DAB1: variants seen among roughly 807,000 people sequenced by gnomAD.
DAB1 encodes DAB adaptor protein 1.
In DAB1, 15 loss-of-function variants were observed where a neutral mutation model predicts 64.6. That is an observed-to-expected ratio of 0.23 (90% confidence interval 0.16 to 0.36). DAB1 has a LOEUF of 0.36. DAB1 is among the 10% of genes least tolerant of loss of function. The pLI, the probability that DAB1 is intolerant of heterozygous loss-of-function variation, is 1.00. For synonymous variants in DAB1, 235 were observed against 251.9 expected, an observed-to-expected ratio of 0.93 and a Z score of 0.64; for missense variants, 596 against 706.7, an observed-to-expected ratio of 0.84 and a Z score of 1.78.
At chr1:57,143,099 G>C (rs898678597) in intron 3 of DAB1, among the ~76,000 whole-genome samples, 1 of 152,112 alleles carries the variant, frequency 6.6e-6, no homozygotes, top group Non-Finnish European at 1.5e-5. Context: ...CTCTTCTGGG[G>C]CTTTCTGTGC....
At position 57,452,157 on chromosome 1, in the gene DAB1, G is replaced by GCC. The variant is rs1477319468; in HGVS notation, n.626-160992_626-160991insGG. Among the ~76,000 whole-genome samples, 862 of 110,124 alleles carry GCC rather than the reference G, an allele frequency of 7.8e-3. 57 individuals carry two copies. Among genetic ancestry groups the GCC allele is most frequent in the African/African-American group, 0.029 (734 of 25,510 alleles). The allele number at this position is 110,124 out of a possible 152,430, so 72.2% of individuals were successfully genotyped here. A position where few individuals can be genotyped will look rare whatever the true frequency, so the allele number is the denominator to read the frequency against. Reference sequence around the variant, plus strand: ...AGAGCTTAGGATTTAGTCTCTCTCTGCACCCCCCCTTTTTTTTTTTTTTTT... The same window carrying GCC: ...AGAGCTTAGGATTTAGTCTCTCTCTGCCCACCCCCCCTTTTTTTTTTTTTTTT... On this transcript the variant is annotated intron_variant and non_coding_transcript_variant, in intron 7 of 20. Coordinates refer to the DAB1 transcript ENST00000485760.
chr1:57,925,339 A>G (rs1644864388), intron 5 of DAB1, among the ~76,000 whole-genome samples: 1 of 152,236 alleles, frequency 6.6e-6, no homozygotes, highest in African/African-American at 2.4e-5. Context: ...TTATATTCTG[A>G]CAGGTCTCTA....
At chr1:57,316,005 G>C (rs150892457) in intron 1 of DAB1, among the ~76,000 whole-genome samples, 1 of 152,112 alleles carries the variant, frequency 6.6e-6, no homozygotes, top group Admixed American at 6.5e-5. Flanking sequence ...TTTAGGATAG[G>C]TGTATTACCA....
chr1:57,103,882 G>C (rs1187046504), intron 4 of DAB1, among the ~76,000 whole-genome samples: 1 of 152,106 alleles, frequency 6.6e-6, no homozygotes, highest in East Asian at 1.9e-4. Context: ...ATGTTGGGAG[G>C]CTGGGTGACA....
intron 5 of DAB1, among the ~76,000 whole-genome samples, chr1:57,922,563 G>GA (rs1397803759): frequency 2.0e-5 from 3 of 151,926 alleles, no homozygotes; most frequent in Non-Finnish European, 4.4e-5. Context: ...TTTGTTCCCC[G>GA]AAAAAATGTT....
intron 1 of DAB1, among the ~76,000 whole-genome samples, chr1:58,532,195 G>T (rs2100477615): frequency 6.6e-6 from 1 of 152,216 alleles, no homozygotes; most frequent in South Asian, 2.1e-4. Flanking sequence ...TCAAAACTGA[G>T]ACTCCCAAAA....
chr1:57,987,406 T>C (rs1646245704), intron 5 of DAB1, among the ~76,000 whole-genome samples: 1 of 152,192 alleles, frequency 6.6e-6, no homozygotes, highest in African/African-American at 2.4e-5. Context: ...GAAGGTAGTA[T>C]TGGTTCCCTA....
chr1:57,478,159 C>T (rs1643963295), intron 7 of DAB1, among the ~76,000 whole-genome samples: 1 of 151,476 alleles, frequency 6.6e-6, no homozygotes, highest in East Asian at 1.9e-4. Flanking sequence ...TTATCTGGGG[C>T]TAGTTTTCAG....
intron 6 of DAB1, among the ~76,000 whole-genome samples, chr1:57,767,881 A>G (rs1342856555): frequency 6.6e-6 from 1 of 152,128 alleles, no homozygotes; most frequent in Admixed American, 6.6e-5. Flanking sequence ...ATAGTGGTTA[A>G]GAGTTGAGGT....
At chr1:57,772,027 A>G (rs1649586058) in intron 6 of DAB1, among the ~76,000 whole-genome samples, 1 of 152,242 alleles carries the variant, frequency 6.6e-6, no homozygotes, top group East Asian at 1.9e-4. Flanking sequence ...GTGTCCCCCA[A>G]AAAGACTGCA....
At position 58,483,882 on chromosome 1, in the gene DAB1, T is replaced by C. The variant is rs1007606396; in HGVS notation, n.257+22178A>G. Among the ~76,000 whole-genome samples, 4 of 152,222 alleles carry C rather than the reference T, an allele frequency of 2.6e-5. 1 individual carries two copies. The highest frequency in any genetic ancestry group is 2.6e-4 in the Admixed American group (4 of 15,284). On this transcript the variant is annotated intron_variant and non_coding_transcript_variant, in intron 3 of 20. Coordinates refer to the DAB1 transcript ENST00000485760. ...TCCCAAGTGAGAAGTTTACCTGTCA[T>C]GGCTGCTATATCAGTGTAGTGCCTA...
chr1:57,025,924 G>A, intron 10 of DAB1, 57 bp downstream of exon 10: 1 of 1,386,510 alleles, frequency 7.2e-7, no homozygotes, highest in South Asian at 1.4e-5. Flanking sequence ...GGCCACTGAG[G>A]GGATGTGTAA....
intron 1 of DAB1, among the ~76,000 whole-genome samples, chr1:57,838,447 T>C (rs888619390): frequency 2.0e-5 from 3 of 152,050 alleles, no homozygotes; most frequent in Admixed American, 6.5e-5. Context: ...ATATATATTA[T>C]GTATAAGAAC....
chr1:58,506,379 T>C (rs1474715678), intron 2 of DAB1, among the ~76,000 whole-genome samples: 1 of 152,250 alleles, frequency 6.6e-6, no homozygotes, highest in Non-Finnish European at 1.5e-5. Context: ...GTTGGTGTGC[T>C]GTACCCATTA....
chr1:57,920,229 G>C (rs1644788701), intron 5 of DAB1, among the ~76,000 whole-genome samples: 1 of 152,162 alleles, frequency 6.6e-6, no homozygotes, highest in South Asian at 2.1e-4. Flanking sequence ...TTCTTTCCAA[G>C]GCCTTATTCA....
intron 5 of DAB1, among the ~76,000 whole-genome samples, chr1:58,043,433 C>T (rs568883749): frequency 3.3e-5 from 5 of 152,244 alleles, no homozygotes; most frequent in Admixed American, 3.3e-4. Flanking sequence ...ACAGTCTAGC[C>T]CAAACCCTTC....
upstream of DAB1, among the ~76,000 whole-genome samples, chr1:57,428,343 A>C (rs1444424277): frequency 6.6e-6 from 1 of 152,164 alleles, no homozygotes. Flanking sequence ...CTGGACAAAC[A>C]TGATTCTATT....
chr1:57,757,220 T>TTG (rs200688727), intron 6 of DAB1, among the ~76,000 whole-genome samples: 17 of 120,152 alleles, frequency 1.4e-4, no homozygotes, highest in East Asian at 2.5e-4. Context: ...TTTTTTTTTT[T>TTG]AGCAGCAATG....
chr1:57,686,647 A>G (rs1346521855), intron 6 of DAB1, among the ~76,000 whole-genome samples: 1 of 152,200 alleles, frequency 6.6e-6, no homozygotes, highest in African/African-American at 2.4e-5. Context: ...AGATTCAAAA[A>G]TTCTCAACAA....
Sources: gnomAD v4.1 joint callset for allele counts (sites outside exome capture counted in the v4.1 genomes callset) on GRCh38, gnomAD v4.1.1 for gene constraint, MANE v1.5 for transcripts, NCBI Gene and HGNC (gene_info 2026-07-23, HGNC 2026-07-21) for gene names.